ACTR3: variants seen among roughly 807,000 people sequenced by gnomAD.
The protein encoded by ACTR3 is actin related protein 3, also known as actin-related protein 3.
A neutral mutation model predicts 56.8 loss-of-function variants in ACTR3; 12 were observed. The observed-to-expected ratio is 0.21, with a 90% CI of 0.14 to 0.34. ACTR3 has a LOEUF of 0.34. Ranked by LOEUF, ACTR3 falls within the 10% of genes least tolerant of loss-of-function variation. The pLI, the probability that ACTR3 is intolerant of heterozygous loss-of-function variation, is 1.00. For synonymous variants in ACTR3, 162 were observed against 167.4 expected (o/e 0.97, Z 0.25); for missense variants, 282 against 512.5 (o/e 0.55, Z 4.34).
chr2:113,903,690 C>T lies in ACTR3; in HGVS notation c.45-9482C>T, dbSNP rs907232113. 9.9e-5 allele frequency among the ~76,000 whole-genome samples: 15 copies of T among 151,912 alleles called. 1 individual carries two copies. The South Asian group carries it at 1.5e-3, about 15-fold the overall frequency. On this transcript the variant is annotated intron_variant, in intron 1 of 11. Coordinates refer to ENST00000263238, the MANE Select transcript of ACTR3 (RefSeq NM_005721.5). Reference sequence around the variant, plus strand: ...TTTATTTTTAGTAGAGATGGAGTCTCGCCGTGTGGGCCATGCTGGTCTTGA... The same window carrying T: ...TTTATTTTTAGTAGAGATGGAGTCTTGCCGTGTGGGCCATGCTGGTCTTGA...
At chr2:113,895,198 T>C (rs1678984793) in intron 1 of ACTR3, among the ~76,000 whole-genome samples, 1 of 152,154 alleles carries the variant, frequency 6.6e-6, no homozygotes, top group Non-Finnish European at 1.5e-5. Context: ...TTATCGAGAA[T>C]TGTATGTCAG....
intron 8 of ACTR3, among the ~76,000 whole-genome samples, chr2:113,950,377 T>C (rs1003916258): frequency 2.6e-5 from 4 of 152,214 alleles, no homozygotes; most frequent in Admixed American, 2.6e-4. Context: ...TAAATAGAAC[T>C]GTGAAAAGGA....
chr2:113,931,456 G>T, intron 5 of ACTR3, 60 bp downstream of exon 5: 1 of 1,170,564 alleles, frequency 8.5e-7, no homozygotes, highest in South Asian at 1.7e-5. Context: ...TTAATTTGCT[G>T]CCTAAAATAC....
At chr2:113,918,581 TC>T (rs1296868067) in intron 3 of ACTR3, among the ~76,000 whole-genome samples, 2 of 152,072 alleles carry the variant, frequency 1.3e-5, no homozygotes, top group African/African-American at 2.4e-5. Context: ...AGATGGAGTT[TC>T]ATCATGTTGC....
chr2:113,891,072 A>T (rs767984714), intron 1 of ACTR3, among the ~76,000 whole-genome samples: 57 of 152,184 alleles, frequency 3.7e-4, no homozygotes, highest in Non-Finnish European at 6.8e-4. Flanking sequence ...TCCTGCTTTC[A>T]GTCTTTTATA....
intron 3 of ACTR3, 49 bp downstream of exon 3, chr2:113,917,057 T>C (rs1018967379): frequency 1.3e-6 from 2 of 1,506,600 alleles, no homozygotes; most frequent in Non-Finnish European, 1.8e-6. Flanking sequence ...AATAGTTTGT[T>C]CGATGCTTGT....
Position 113,942,238 on chromosome 2 carries a change from A to T in ACTR3, c.737A>T (p.Asp246Val). 6.2e-7 allele frequency: 1 copy of T among 1,603,134 alleles called. No homozygotes were observed. The highest frequency in any genetic ancestry group is 8.5e-7 in the Non-Finnish European group (1 of 1,176,294). The change falls in exon 8 of 12, where the codon GAT becomes GTT. Residue 246 changes from aspartate (D) to valine (V), a missense_variant. Coordinates refer to ENST00000263238, the MANE Select transcript of ACTR3 (RefSeq NM_005721.5). ...PDLVKEFNKY[D>V]TDGSKWIKQY... ...TTAGTAAAAGAATTTAACAAGTATG[A>T]TACAGATGGGTCAAAATGGATTAAA...
At chr2:113,917,571 A>G (rs2104597079) in intron 3 of ACTR3, among the ~76,000 whole-genome samples, 1 of 152,336 alleles carries the variant, frequency 6.6e-6, no homozygotes, top group Middle Eastern at 3.4e-3. Context: ...TTGTTCACAC[A>G]GTCACTACTC....
intron 1 of ACTR3, among the ~76,000 whole-genome samples, chr2:113,894,246 C>T (rs186448832): frequency 1.3e-4 from 20 of 152,220 alleles, no homozygotes; most frequent in Admixed American, 9.2e-4. Flanking sequence ...GCGCCCACTA[C>T]CACGCCCAGC....
At chr2:113,950,820 A>G (rs1680106951) in intron 8 of ACTR3, 1 of 111,038 alleles carries the variant, frequency 9.0e-6, no homozygotes, top group South Asian at 3.0e-4. Context: ...AGACTGGGCA[A>G]TTTATAAAAG....
At chr2:113,914,009 G>A (rs992169458) in intron 2 of ACTR3, among the ~76,000 whole-genome samples, 7 of 152,254 alleles carry the variant, frequency 4.6e-5, no homozygotes, top group East Asian at 3.9e-4. Flanking sequence ...AACCTTTTGA[G>A]CCGTTGCTTA....
intron 3 of ACTR3, among the ~76,000 whole-genome samples, chr2:113,921,982 T>C (rs533189855): frequency 1.1e-4 from 17 of 152,292 alleles, no homozygotes; most frequent in African/African-American, 2.9e-4. Flanking sequence ...TGGGTAGATA[T>C]GTAGAGGTAA....
intron 1 of ACTR3, among the ~76,000 whole-genome samples, chr2:113,908,244 G>A (rs75812758): frequency 0.033 from 4,842 of 147,368 alleles, 269 homozygotes; most frequent in African/African-American, 0.11. Flanking sequence ...CCAATTAGCT[G>A]TTAGCAGTTT....
At chr2:113,927,231 A>G (rs1187819656) in intron 3 of ACTR3, 114 bp from the exon 4 acceptor site, 2 of 604,580 alleles carry the variant, frequency 3.3e-6, no homozygotes, top group Non-Finnish European at 5.4e-6. Context: ...TATCACACCT[A>G]TGAATATATC....
chr2:113,906,503 T>G (rs1235210012), intron 1 of ACTR3, among the ~76,000 whole-genome samples: 1 of 152,214 alleles, frequency 6.6e-6, no homozygotes. Context: ...CTTTTGTTAC[T>G]TGTGCTTTTG....
At chr2:113,899,770 G>C (rs1679066625) in intron 1 of ACTR3, among the ~76,000 whole-genome samples, 1 of 152,180 alleles carries the variant, frequency 6.6e-6, no homozygotes, top group South Asian at 2.1e-4. Flanking sequence ...CGTCCTGCAT[G>C]ATATTTAATA....
chr2:113,925,923 A>G (rs1040802320), intron 3 of ACTR3, among the ~76,000 whole-genome samples: 1 of 152,216 alleles, frequency 6.6e-6, no homozygotes, highest in Non-Finnish European at 1.5e-5. Context: ...GAGGTTCACA[A>G]ACTTTCTCAG....
Position 113,957,601 on chromosome 2 carries a change from A to G in ACTR3, c.*146A>G, listed in dbSNP as rs1029276397. 6 of 595,060 alleles carry G rather than the reference A, an allele frequency of 1.0e-5. No individual in the cohort carries two copies. Among genetic ancestry groups the G allele is most frequent in the African/African-American group, 9.2e-5 (5 of 54,274 alleles). The allele number at this position is 595,060 out of a possible 1,614,324, so 36.9% of individuals were successfully genotyped here. The stretch of plus-strand genomic sequence containing the variant: ...CATGATTATACAGGAATATTTTAAT[A>G]AGTGTATCACCATGCAGATGTAGAA... On this transcript the variant is annotated 3_prime_UTR_variant, in exon 12 of 12. Coordinates refer to ENST00000263238, the MANE Select transcript of ACTR3 (RefSeq NM_005721.5).
At chr2:113,934,419 T>A in intron 6 of ACTR3, 33 bp downstream of exon 6, 1 of 1,303,696 alleles carries the variant, frequency 7.7e-7, no homozygotes, top group African/African-American at 1.5e-5. Context: ...GAACAGAACA[T>A]GAAATAACAC....
Sources: gnomAD v4.1 joint callset for allele counts (sites outside exome capture counted in the v4.1 genomes callset) on GRCh38, gnomAD v4.1.1 for gene constraint, MANE v1.5 for transcripts, NCBI Gene and HGNC (gene_info 2026-07-23, HGNC 2026-07-21) for gene names.